Variants in REPS1 observed in about 807,000 individuals in gnomAD.
The protein encoded by REPS1 is ralBP1-associated Eps domain-containing protein 1.
REPS1 carries 39 observed loss-of-function variants against 100.9 expected under a neutral mutation model. The ratio of observed to expected loss-of-function variants is 0.39; its 90% CI spans 0.30 to 0.50. REPS1 has a LOEUF of 0.50. Among genes scored for constraint, REPS1 ranks in the 20% least tolerant of loss-of-function variants. The probability of loss-of-function intolerance (pLI) is 0.86; values close to 1 mark genes in which losing one functional copy is unlikely to be tolerated. For synonymous variants in REPS1, 324 were observed against 340.3 expected (o/e 0.95, Z 0.53); for missense variants, 821 against 968.5 (o/e 0.85, Z 2.02).
chr6:138,977,835 A>T (rs1784683399), intron 1 of REPS1, among the ~76,000 whole-genome samples: 1 of 152,256 alleles, frequency 6.6e-6, no homozygotes, highest in African/African-American at 2.4e-5. Context: ...ACTGTTTCCC[A>T]ATGTGGCTGT....
rs996831227 is a variant in REPS1, at chr6:138,911,157, A to G, written c.2067+119T>C. 12 of 674,422 alleles carry G rather than the reference A, an allele frequency of 1.8e-5. No individual in the cohort carries two copies. In the East Asian group the frequency reaches 2.8e-4, roughly 16 times the overall value. The allele number at this position is 674,422 out of a possible 1,614,324, so 41.8% of individuals were successfully genotyped here. On this transcript the variant is annotated intron_variant, in intron 17 of 19. Transcript: ENST00000450536. ...GACTTTGTTCTGAGCTAGACTGACT[A>G]TACTACAGTTAAAGGCAGAGAAATG...
At chr6:138,965,081 T>C (rs1783940664) in intron 1 of REPS1, among the ~76,000 whole-genome samples, 3 of 152,164 alleles carry the variant, frequency 2.0e-5, no homozygotes. Flanking sequence ...TCTTTAGCTA[T>C]AAATTCTTGC....
At chr6:138,907,626 A>G in intron 18 of REPS1, 26 bp from the exon 19 acceptor site, 4 of 1,373,140 alleles carry the variant, frequency 2.9e-6, no homozygotes, top group Non-Finnish European at 4.2e-6. Context: ...AGGCAAAAAA[A>G]CCCATAACCT....
intron 13 of REPS1, 50 bp downstream of exon 13, chr6:138,917,505 A>T (rs1780479056): frequency 7.2e-7 from 1 of 1,392,896 alleles, no homozygotes; most frequent in Non-Finnish European, 1.0e-6. Context: ...TTTAAACATT[A>T]AAACGCAGCA....
At chr6:138,936,790 T>C (rs1781878158) in intron 8 of REPS1, among the ~76,000 whole-genome samples, 1 of 152,186 alleles carries the variant, frequency 6.6e-6, no homozygotes, top group Non-Finnish European at 1.5e-5. Flanking sequence ...CATATAAGCA[T>C]GTTCACTGCA....
intron 1 of REPS1, among the ~76,000 whole-genome samples, chr6:138,956,945 C>G (rs1357054641): frequency 1.3e-5 from 2 of 151,612 alleles, no homozygotes; most frequent in African/African-American, 4.8e-5. Flanking sequence ...AACAAGATAT[C>G]TTGAAATTTA....
Position 138,944,503 on chromosome 6 carries a change from C to A in REPS1, c.748G>T (p.Val250Phe). The stretch of plus-strand genomic sequence containing the variant: ...ATACCAATAAAATGTCACACCTGGA[C>A]AGAAGCAGGATGCATGGTTAAAAGA... Reference protein sequence around the residue: ...STLLTMHPASVQDQTTVRTVA... With the variant: ...STLLTMHPASFQDQTTVRTVA... Residue 250 changes from valine to phenylalanine, a missense_variant, in exon 5 of 20, where the codon GTC (valine) becomes TTC (phenylalanine). Val to Phe is a conservative substitution (Grantham distance 50). This residue lies in a region of REPS1 where 757 missense variants were observed against 866.4 expected (regional missense o/e 0.87). Transcript: ENST00000450536. 1 of 1,613,740 alleles carries A rather than the reference C, an allele frequency of 6.2e-7. No individual in the cohort carries two copies. The highest frequency in any genetic ancestry group is 1.1e-5 in the South Asian group (1 of 90,988).
At chr6:138,979,693 T>C (rs938601696) in intron 1 of REPS1, among the ~76,000 whole-genome samples, 1 of 152,208 alleles carries the variant, frequency 6.6e-6, no homozygotes, top group African/African-American at 2.4e-5. Flanking sequence ...TAATACTATA[T>C]ATTACACATT....
intron 1 of REPS1, among the ~76,000 whole-genome samples, chr6:138,982,750 C>A (rs956824720): frequency 1.3e-5 from 2 of 152,166 alleles, no homozygotes; most frequent in Non-Finnish European, 2.9e-5. Flanking sequence ...GACATTCTGT[C>A]TTCAAAAACA....
chr6:138,940,183 T>C (rs1423762139), intron 8 of REPS1, among the ~76,000 whole-genome samples: 2 of 152,208 alleles, frequency 1.3e-5, no homozygotes, highest in Non-Finnish European at 2.9e-5. Flanking sequence ...TTTAGACAAC[T>C]AAGTCAGACC....
Position 138,926,406 on chromosome 6 carries a change from C to G in REPS1, c.1333G>C (p.Asp445His). The change falls in exon 10 of 20, where the codon GAT (aspartate) becomes CAT (histidine). Residue 445 changes from aspartate to histidine, a missense_variant. Transcript: ENST00000450536. ...AAGCTAAGTGATTGACTTACAGGAT[C>G]AGCTGGTGCAATGTTAGAATCAAAT... ...TQFDSNIAPA[D>H]PDTAIVHPVP... The G allele has an allele frequency of 6.2e-7, 1 of 1,608,842 alleles. No individual in the cohort carries two copies. Among genetic ancestry groups the G allele is most frequent in the Non-Finnish European group, 8.5e-7 (1 of 1,175,858 alleles).
chr6:138,944,885 C>G (rs1782509880), intron 4 of REPS1, among the ~76,000 whole-genome samples: 1 of 152,092 alleles, frequency 6.6e-6, no homozygotes. Flanking sequence ...ATAAACTTGT[C>G]TAAACATCAC....
At chr6:138,927,525 T>C (rs1036074838) in intron 9 of REPS1, 9 of 152,150 alleles carry the variant, frequency 5.9e-5, no homozygotes, top group African/African-American at 2.2e-4. Flanking sequence ...AAGACAAAAC[T>C]ACCCCATAAA....
intron 8 of REPS1, among the ~76,000 whole-genome samples, chr6:138,934,612 A>AC (rs1245410223): frequency 6.6e-6 from 1 of 152,174 alleles, no homozygotes; most frequent in Non-Finnish European, 1.5e-5. Context: ...TAGCTTTGTA[A>AC]CCTACACATC....
chr6:138,945,245 C>G lies in REPS1; in HGVS notation c.602G>C (p.Trp201Ser). The G allele has an allele frequency of 6.2e-7, 1 of 1,609,884 alleles. No homozygotes were observed. Among genetic ancestry groups the G allele is most frequent in the Non-Finnish European group, 8.5e-7 (1 of 1,179,084 alleles). Residue 201 changes from tryptophan (W) to serine (S), a missense_variant, in exon 4 of 20, where the codon TGG becomes TCG. Physicochemically the swap from Trp to Ser is radical, Grantham distance 177. Around this residue, in one of 3 missense-constraint regions of REPS1, gnomAD observed 757 missense variants for 866.4 expected, o/e 0.87. Transcript: ENST00000450536. ...ERPLAGPGPF[W>S]SPFGEAQSGS... ...TGATTGTGCTTCACCAAAGGGAGACCAAAATGGCCCAGGTCCCGCGAGAGG... is the reference window on the plus strand; with the variant it reads ...TGATTGTGCTTCACCAAAGGGAGACGAAAATGGCCCAGGTCCCGCGAGAGG...
At chr6:138,978,852 G>A (rs1264434828) in intron 1 of REPS1, among the ~76,000 whole-genome samples, 13 of 152,136 alleles carry the variant, frequency 8.5e-5, no homozygotes, top group South Asian at 2.1e-4. Flanking sequence ...TCCTACTTGC[G>A]TCTGTAACCA....
chr6:138,925,456 C>T (rs553296869), intron 10 of REPS1, among the ~76,000 whole-genome samples: 2 of 152,306 alleles, frequency 1.3e-5, no homozygotes, highest in South Asian at 4.1e-4. Context: ...TTCAAAATCT[C>T]TTTAGATGAC....
chr6:138,960,047 C>T (rs1783638870), intron 1 of REPS1, among the ~76,000 whole-genome samples: 1 of 152,142 alleles, frequency 6.6e-6, no homozygotes, highest in South Asian at 2.1e-4. Flanking sequence ...CCAAACAACA[C>T]CAGTCCAGTT....
At chr6:138,987,019 A>G (rs1171909159) in intron 1 of REPS1, among the ~76,000 whole-genome samples, 1 of 152,218 alleles carries the variant, frequency 6.6e-6, no homozygotes, top group Non-Finnish European at 1.5e-5. Context: ...TAAGTAGTTC[A>G]CATTTTAAAA....
Sources: gnomAD v4.1 joint callset for allele counts (sites outside exome capture counted in the v4.1 genomes callset) on GRCh38, gnomAD v4.1.1 for gene constraint, gnomAD v4.1.1 regional missense constraint, MANE v1.5 for transcripts, NCBI Gene and HGNC (gene_info 2026-07-23, HGNC 2026-07-21) for gene names.